Variants in DENND1C observed in about 807,000 individuals in gnomAD.
The protein encoded by DENND1C is DENN domain-containing protein 1C.
In DENND1C, 64 loss-of-function variants were observed where a neutral mutation model predicts 87.9. The ratio of observed to expected loss-of-function variants is 0.73; its 90% CI spans 0.60 to 0.90. The LOEUF (loss-of-function observed/expected upper bound fraction) is 0.90. Ranked by LOEUF, DENND1C falls within the 40% of genes least tolerant of loss-of-function variation. DENND1C has a pLI of 0.00. For synonymous variants in DENND1C, 384 were observed against 424.4 expected (o/e 0.90, Z 1.17); for missense variants, 980 against 1,037.0 (o/e 0.95, Z 0.76).
rs368830356 is a variant in DENND1C, at chr19:6,475,418, G to A, written c.928-19C>T. On this transcript the variant is annotated intron_variant, in intron 13 of 22. Coordinates refer to ENST00000381480, the MANE Select transcript of DENND1C (RefSeq NM_024898.4). ...GGGACACCTGAAGCACAAGGGAGTG[G>A]CCCTGAGTGGGCAGGTGTGGGCCCC... 8.1e-6 allele frequency: 13 copies of A among 1,612,262 alleles called. No individual in the cohort carries two copies. In the African/African-American group the frequency reaches 1.7e-4, roughly 22 times the overall value.
In DENND1C at chr19:6,468,968, G is replaced by A. The variant is rs751547084; in HGVS notation, c.1408-15C>T. 7.3e-7 allele frequency: 1 copy of A among 1,368,434 alleles called. No homozygotes were observed. The highest frequency in any genetic ancestry group is 2.7e-5 in the East Asian group (1 of 37,030). The allele number at this position is 1,368,434 out of a possible 1,614,324, so 84.8% of individuals were successfully genotyped here. Reference sequence around the variant, plus strand: ...GAGTCCCCATCCTAGGAAGAGAAGAGTGAACTGGGAACCTCTGCCACAGAG... The same window carrying A: ...GAGTCCCCATCCTAGGAAGAGAAGAATGAACTGGGAACCTCTGCCACAGAG... On this transcript the variant is annotated splice_polypyrimidine_tract_variant and intron_variant, in intron 19 of 22. Transcript: ENST00000381480.
At chr19:6,469,775 A>G (rs1354907661) in intron 18 of DENND1C, 135 bp from the exon 19 acceptor site, 10 of 831,352 alleles carry the variant, frequency 1.2e-5, no homozygotes, top group Non-Finnish European at 1.8e-5. Flanking sequence ...CCCCCCATAC[A>G]CCACCTAAGA....
At chr19:6,471,546 C>T in intron 15 of DENND1C, 50 bp from the exon 16 acceptor site, 1 of 1,466,932 alleles carries the variant, frequency 6.8e-7, no homozygotes, top group Non-Finnish European at 9.1e-7. Flanking sequence ...CATCTGAATG[C>T]CAGCACTTCG....
chr19:6,473,455 G>GTTTTTTTTTTTT (rs1568396646), intron 14 of DENND1C, among the ~76,000 whole-genome samples: 1 of 135,586 alleles, frequency 7.4e-6, no homozygotes, highest in Non-Finnish European at 1.5e-5. Flanking sequence ...GCCCAGCCCT[G>GTTTTTTTTTTTT]GTTTTTTTTT....
In DENND1C at chr19:6,479,664, C is replaced by A. The variant is rs201050672; in HGVS notation, c.176+5G>T. ...GAGTCCTTGGATCTCCCCGCCCTTC[C>A]GTACCTTTCCACATCAAAAGGGAAG... On this transcript the variant is annotated splice_donor_5th_base_variant and intron_variant, in intron 4 of 22. Coordinates refer to ENST00000381480, the MANE Select transcript of DENND1C (RefSeq NM_024898.4). 2 of 1,613,870 alleles carry A rather than the reference C, an allele frequency of 1.2e-6. No homozygotes were observed. Among genetic ancestry groups the A allele is most frequent in the East Asian group, 4.5e-5 (2 of 44,888 alleles).
rs1339655864 is a variant in DENND1C, at chr19:6,467,265, G to A, written c.*239C>T. 7.4e-6 allele frequency: 4 copies of A among 539,600 alleles called. No individual in the cohort carries two copies. The highest frequency in any genetic ancestry group is 3.9e-5 in the African/African-American group (2 of 51,092). 33.4% of individuals were successfully genotyped at this position (539,600 alleles called of 1,614,324 possible). A position where few individuals can be genotyped will look rare whatever the true frequency, so the allele number is the denominator to read the frequency against. ...AGCTGGTGGGTGCATTAGCTGAGAT[G>A]GAAGTGACAAATGCCGAGAGGAATT... On this transcript the variant is annotated 3_prime_UTR_variant, in exon 23 of 23. Coordinates refer to ENST00000381480, the MANE Select transcript of DENND1C (RefSeq NM_024898.4).
chr19:6,480,322 G>A (rs1454309396), intron 1 of DENND1C: 3 of 1,380,796 alleles, frequency 2.2e-6, no homozygotes, highest in Non-Finnish European at 2.8e-6. Context: ...CATGGCTTTT[G>A]TGAGCAGGCA....
intron 4 of DENND1C, 125 bp downstream of exon 4, chr19:6,479,544 G>T: frequency 8.2e-7 from 1 of 1,214,298 alleles, no homozygotes; most frequent in Non-Finnish European, 1.2e-6. Context: ...GAGTGTCTGA[G>T]TCTCTGAGTC....
In DENND1C at chr19:6,475,875, C is replaced by T. The variant is rs754066003; in HGVS notation, c.741G>A (p.Leu247=). 1 of 1,558,084 alleles carries T rather than the reference C, an allele frequency of 6.4e-7. No individual in the cohort carries two copies. Among genetic ancestry groups the T allele is most frequent in the Non-Finnish European group, 8.6e-7 (1 of 1,158,776 alleles). ...GCAGGTGTGGGGGCAGCGTGGGGAT[C>T]AGCACGTGCTCCCAGCGCATGGGGT... The part of the protein sequence containing the change: ...LLYPMRWEHV[L]IPTLPPHLLD... Residue 247 remains leucine, a synonymous_variant, in exon 11 of 23, where the codon CTG becomes CTA. Transcript: ENST00000381480.
chr19:6,471,001 C>A (rs2092825855), intron 17 of DENND1C, among the ~76,000 whole-genome samples: 2 of 151,992 alleles, frequency 1.3e-5, no homozygotes, highest in African/African-American at 4.8e-5. Flanking sequence ...GTCACCCAGG[C>A]TGGAGTGCAG....
intron 4 of DENND1C, among the ~76,000 whole-genome samples, chr19:6,479,335 GA>G (rs1377354466): frequency 5.6e-4 from 80 of 143,536 alleles, no homozygotes; most frequent in African/African-American, 2.2e-3. Context: ...CTGAGTCCCT[GA>G]GTCCCTGAGT....
chr19:6,469,723 G>T, intron 18 of DENND1C, 83 bp from the exon 19 acceptor site: 2 of 1,468,910 alleles, frequency 1.4e-6, no homozygotes, highest in Non-Finnish European at 1.9e-6. Flanking sequence ...CCCTAAGATA[G>T]CTTTTTTTTT....
intron 14 of DENND1C, among the ~76,000 whole-genome samples, chr19:6,473,594 T>C (rs996409510): frequency 6.6e-6 from 1 of 151,164 alleles, no homozygotes; most frequent in Non-Finnish European, 1.5e-5. Flanking sequence ...CCTCAGCCTC[T>C]CAAGTAGCTG....
chr19:6,471,211 T>C, intron 17 of DENND1C, 54 bp downstream of exon 17: 1 of 1,551,338 alleles, frequency 6.4e-7, no homozygotes, highest in East Asian at 2.4e-5. Flanking sequence ...TCCTAATGTG[T>C]TGGGATTACA....
At chr19:6,479,188 C>T (rs1356080983) in intron 4 of DENND1C, 132 bp from the exon 5 acceptor site, 3 of 1,323,388 alleles carry the variant, frequency 2.3e-6, no homozygotes, top group Non-Finnish European at 3.1e-6. Context: ...TGTCTGGATC[C>T]CTGGGTCTCA....
At chr19:6,477,522 C>T (rs2092869722) in intron 6 of DENND1C, 64 bp from the exon 7 acceptor site, 1 of 1,497,260 alleles carries the variant, frequency 6.7e-7, no homozygotes, top group Non-Finnish European at 9.2e-7. Flanking sequence ...ATTCCGAGGG[C>T]TATGACTAAG....
In DENND1C at chr19:6,475,917, C is replaced by T; in HGVS notation, c.699G>A (p.Ala233=). The change falls in exon 11 of 23, where the codon GCG becomes GCA. Residue 233 remains alanine (A), a synonymous_variant. Transcript: ENST00000381480. ...GCATGGGGTACAGGAGCGCGCAGGA[C>T]GCGTGGACGCACGAGGTCAGCTGGG... is the stretch of plus-strand genomic sequence containing the variant. The part of the protein sequence containing the change: ...KLSTLTSCVH[A]SCALLYPMRW... The T allele has an allele frequency of 6.4e-7, 1 of 1,568,572 alleles. No individual in the cohort carries two copies.
intron 6 of DENND1C, 98 bp downstream of exon 6, chr19:6,478,685 G>T: frequency 7.3e-7 from 1 of 1,365,932 alleles, no homozygotes; most frequent in Non-Finnish European, 1.0e-6. Context: ...GACACAGTGT[G>T]CCCTGCCAAG....
At chr19:6,480,877 T>C (rs928440737) in intron 1 of DENND1C, among the ~76,000 whole-genome samples, 1 of 152,100 alleles carries the variant, frequency 6.6e-6, no homozygotes. Flanking sequence ...TTGCTGGGAT[T>C]ACAGGCTTGA....
Sources: allele counts gnomAD v4.1 joint callset (sites outside exome capture counted in the v4.1 genomes callset), GRCh38; gene constraint gnomAD v4.1.1; transcripts MANE v1.5; gene names NCBI Gene and HGNC (gene_info 2026-07-23, HGNC 2026-07-21).